Variants in MBNL1 observed in about 807,000 individuals in gnomAD.
MBNL1 encodes the protein muscleblind-like protein 1.
Under a neutral mutation model 42.2 loss-of-function variants are expected in MBNL1, and 8 were observed. The observed-to-expected ratio is 0.19, with a 90% CI of 0.11 to 0.34. The LOEUF (loss-of-function observed/expected upper bound fraction) is 0.34. Among genes scored for constraint, MBNL1 ranks in the 10% least tolerant of loss-of-function variants. The pLI, the probability that MBNL1 is intolerant of heterozygous loss-of-function variation, is 1.00. For synonymous variants in MBNL1, 169 were observed against 173.9 expected (o/e 0.97, Z 0.22); for missense variants, 309 against 495.3 (o/e 0.62, Z 3.57).
intron 1 of MBNL1, 42 bp from the exon 2 acceptor site, chr3:152,299,363 A>AGT (rs776568552): frequency 4.6e-6 from 1 of 219,436 alleles, no homozygotes; most frequent in Non-Finnish European, 8.9e-6. Context: ...ACATCAGTGA[A>AGT]GTGCTACTTA....
At chr3:152,269,730 T>TTC in intron 1 of MBNL1, 1 of 207,324 alleles carries the variant, frequency 4.8e-6, no homozygotes, top group Non-Finnish European at 1.0e-5. Context: ...CTTCTTCTTC[T>TTC]TTTTTTTTTC....
At chr3:152,436,633 T>C (rs549472504) in intron 4 of MBNL1, among the ~76,000 whole-genome samples, 239 of 152,344 alleles carry the variant, frequency 1.6e-3, no homozygotes, top group Middle Eastern at 0.01. Flanking sequence ...TAATTATTAA[T>C]AGATGATATT....
chr3:152,311,956 C>G (rs998989052), intron 2 of MBNL1, among the ~76,000 whole-genome samples: 6 of 150,950 alleles, frequency 4.0e-5, no homozygotes, highest in Non-Finnish European at 8.9e-5. Flanking sequence ...TTTGGGAGGC[C>G]GAGGCGGGCG....
At chr3:152,359,349 T>C (rs2095770801) in intron 2 of MBNL1, among the ~76,000 whole-genome samples, 1 of 152,212 alleles carries the variant, frequency 6.6e-6, no homozygotes, top group Non-Finnish European at 1.5e-5. Context: ...AAGTCTAAAA[T>C]TCCATCTATT....
chr3:152,372,714 C>G (rs1486380372), intron 2 of MBNL1, among the ~76,000 whole-genome samples: 9 of 152,164 alleles, frequency 5.9e-5, no homozygotes, highest in Non-Finnish European at 7.4e-5. Context: ...GTGGAGCTCT[C>G]CTGTATGAGG....
At chr3:152,253,738 GC>G (rs758768300) in intron 2 of MBNL1, among the ~76,000 whole-genome samples, 1 of 151,916 alleles carries the variant, frequency 6.6e-6, no homozygotes, top group Non-Finnish European at 1.5e-5. Context: ...TTCCTGGCAT[GC>G]CCACACATCT....
chr3:152,296,109 C>T (rs1426385129), intron 1 of MBNL1, among the ~76,000 whole-genome samples: 1 of 152,106 alleles, frequency 6.6e-6, no homozygotes, highest in Admixed American at 6.5e-5. Flanking sequence ...AAGGAAGAAG[C>T]AGAAAAACAG....
Position 152,300,127 on chromosome 3 carries a change from G to C in MBNL1, c.-67G>C. Reference sequence around the variant, plus strand: ...GTTCAGCTTTTTTTTTTTGGTTGTTGCTCTTTTTTGGGGGGGTTGGGTTTG... The same window carrying C: ...GTTCAGCTTTTTTTTTTTGGTTGTTCCTCTTTTTTGGGGGGGTTGGGTTTG... On this transcript the variant is annotated 5_prime_UTR_variant, in exon 2 of 10. Coordinates refer to ENST00000324210, the MANE Select transcript of MBNL1 (RefSeq NM_021038.5). 1.0e-6 allele frequency: 1 copy of C among 993,862 alleles called. No individual in the cohort carries two copies. The highest frequency in any genetic ancestry group is 1.9e-5 in the South Asian group (1 of 51,824). The allele number at this position is 993,862 out of a possible 1,614,324, so 61.6% of individuals were successfully genotyped here. A position where few individuals can be genotyped will look rare whatever the true frequency, so the allele number is the denominator to read the frequency against.
chr3:152,379,012 G>C (rs2097057925), intron 2 of MBNL1, among the ~76,000 whole-genome samples: 1 of 152,046 alleles, frequency 6.6e-6, no homozygotes, highest in Non-Finnish European at 1.5e-5. Context: ...CACCATGCCT[G>C]GCCTGAAGTT....
At chr3:152,302,091 T>C (rs376072021) in intron 2 of MBNL1, 2 of 152,180 alleles carry the variant, frequency 1.3e-5, no homozygotes, top group Non-Finnish European at 2.9e-5. Flanking sequence ...TGCTCACTTA[T>C]GGCCACAGAA....
chr3:152,336,236 ACTTCT>A (rs1421056026), intron 2 of MBNL1, among the ~76,000 whole-genome samples: 7 of 152,228 alleles, frequency 4.6e-5, no homozygotes, highest in South Asian at 2.1e-4. Flanking sequence ...ATGTTTATTT[ACTTCT>A]CTTCCACTTT....
intron 1 of MBNL1, chr3:152,299,008 C>G (rs911472309): frequency 2.6e-5 from 4 of 152,508 alleles, no homozygotes; most frequent in Non-Finnish European, 5.9e-5. Context: ...AATTCAAAAC[C>G]CACATGCTCG....
chr3:152,331,107 TCCCTC>T lies in MBNL1; in HGVS notation c.174+30741_174+30745del, dbSNP rs879473647. Among the ~76,000 whole-genome samples the T allele has an allele frequency of 2.6e-3, 392 of 152,040 alleles. 1 individual carries two copies. The highest frequency in any genetic ancestry group is 0.014 in the Middle Eastern group (4 of 292). ...CTTTTCCCTCTCTTTCTCTCCCTTC[TCCCTC>T]TCTCCTTCCCTGTCTTACTCCCTCG... On this transcript the variant is annotated intron_variant, in intron 2 of 9. Coordinates refer to ENST00000324210, the MANE Select transcript of MBNL1 (RefSeq NM_021038.5).
intron 1 of MBNL1, among the ~76,000 whole-genome samples, chr3:152,283,014 AAG>A (rs2049382040): frequency 6.6e-6 from 1 of 152,202 alleles, no homozygotes; most frequent in African/African-American, 2.4e-5. Flanking sequence ...GCAGCTTTGG[AAG>A]CCTTGTAAGT....
chr3:152,271,283 C>G (rs978192073), intron 1 of MBNL1, among the ~76,000 whole-genome samples: 31 of 151,746 alleles, frequency 2.0e-4, no homozygotes, highest in South Asian at 1.5e-3. Flanking sequence ...GGGTTTTGTT[C>G]CAGAACAAGA....
chr3:152,397,356 T>C (rs2098007759), intron 2 of MBNL1, among the ~76,000 whole-genome samples: 1 of 152,170 alleles, frequency 6.6e-6, no homozygotes, highest in Non-Finnish European at 1.5e-5. Context: ...GTCCCTCTGC[T>C]AGCACCCCTA....
In MBNL1 at chr3:152,410,207, G is replaced by T. The variant is rs1231630604; in HGVS notation, c.175-4734G>T. 3.3e-5 allele frequency among the ~76,000 whole-genome samples: 5 copies of T among 151,914 alleles called. 1 individual carries two copies. The East Asian group carries it at 9.6e-4, about 29-fold the overall frequency. On this transcript the variant is annotated intron_variant, in intron 2 of 9. Transcript: ENST00000324210. ...TAAATGAATCATACATTTATTTGGA[G>T]GATTAAACACTTAATCTAAATGTAT...
Position 152,459,305 on chromosome 3 carries a change from A to G in MBNL1, c.1127A>G (p.His376Arg), listed in dbSNP as rs1223881425. The part of the protein sequence containing the change: ...PIISAEHLTS[H>R]KYVTQM ...ATATCTGCCGAACATCTGACTAGCC[A>G]CAAGTATGTTACCCAGATGTAGAAT... is the stretch of plus-strand genomic sequence containing the variant. Residue 376 changes from histidine to arginine, a missense_variant, in exon 9 of 10, where the codon CAC (histidine) becomes CGC (arginine). Transcript: ENST00000324210. The G allele has an allele frequency of 3.2e-6, 5 of 1,582,494 alleles. No individual in the cohort carries two copies. The highest frequency in any genetic ancestry group is 3.4e-6 in the Non-Finnish European group (4 of 1,164,080).
intron 8 of MBNL1, chr3:152,457,794 TG>T (rs1736718780): frequency 8.2e-6 from 2 of 243,690 alleles, no homozygotes; most frequent in African/African-American, 4.4e-5. Flanking sequence ...GTAGAATTGC[TG>T]GTGTAAGCAG....
Sources: allele counts gnomAD v4.1 joint callset (sites outside exome capture counted in the v4.1 genomes callset), GRCh38; gene constraint gnomAD v4.1.1; transcripts MANE v1.5; gene names NCBI Gene and HGNC (gene_info 2026-07-23, HGNC 2026-07-21).